Variants in ITGAE observed in about 807,000 individuals in gnomAD.
ITGAE encodes the protein integrin alpha-E.
A neutral mutation model predicts 136.5 loss-of-function variants in ITGAE; 99 were observed. That is an observed-to-expected ratio of 0.73 (90% confidence interval 0.62 to 0.86). The LOEUF (loss-of-function observed/expected upper bound fraction) is 0.86. Ranked by LOEUF, ITGAE falls within the 40% of genes least tolerant of loss-of-function variation. The pLI is 0.00. For missense variants in ITGAE, 1,447 were observed against 1,515.3 expected (o/e 0.95, Z 0.75); for synonymous variants, 613 against 591.8 (o/e 1.04, Z -0.52).
intron 2 of ITGAE, 95 bp downstream of exon 2, chr17:3,777,445 G>C (rs1432981539): frequency 6.9e-7 from 1 of 1,447,950 alleles, no homozygotes; most frequent in African/African-American, 1.4e-5. Flanking sequence ...CTGACGGTGG[G>C]GTGGGGTGGG....
intron 2 of ITGAE, among the ~76,000 whole-genome samples, chr17:3,765,706 C>A (rs1023051606): frequency 6.6e-5 from 10 of 152,128 alleles, no homozygotes; most frequent in Non-Finnish European, 1.5e-4. Flanking sequence ...ACATGAGTAA[C>A]CATCTCCTTC....
intron 14 of ITGAE, among the ~76,000 whole-genome samples, chr17:3,752,767 A>T (rs938608831): frequency 6.7e-6 from 1 of 149,466 alleles, no homozygotes. Flanking sequence ...AAAAAAAAAA[A>T]TGCTGGGCGA....
chr17:3,795,171 C>G (rs1045065012), intron 1 of ITGAE, among the ~76,000 whole-genome samples: 4 of 152,166 alleles, frequency 2.6e-5, no homozygotes, highest in African/African-American at 9.7e-5. Context: ...CCTGAGCCCC[C>G]TCAGCATCCT....
chr17:3,762,691 A>G (rs1178830882), intron 3 of ITGAE, among the ~76,000 whole-genome samples: 2 of 135,322 alleles, frequency 1.5e-5, no homozygotes, highest in African/African-American at 5.7e-5. Flanking sequence ...TCCGCCTCCC[A>G]GGTTCACGCC....
rs1381450689 is a variant in ITGAE at position 3,719,191 on chromosome 17, G to T, written c.3333+1116C>A. On this transcript the variant is annotated intron_variant, in intron 29 of 30. Coordinates refer to ENST00000263087, the MANE Select transcript of ITGAE (RefSeq NM_002208.5). Reference sequence around the variant, plus strand: ...GTGGAGGTTGCAGTGAGCCGAGATGGCACCAACGGACTCCAGCCTGGGCGA... The same window carrying T: ...GTGGAGGTTGCAGTGAGCCGAGATGTCACCAACGGACTCCAGCCTGGGCGA... Among the ~76,000 whole-genome samples the T allele has an allele frequency of 1.5e-5, 2 of 136,018 alleles. 1 individual carries two copies. The highest frequency in any genetic ancestry group is 4.4e-4 in the South Asian group (2 of 4,514). 89.2% of individuals were successfully genotyped at this position (136,018 alleles called of 152,430 possible).
Position 3,751,732 on chromosome 17 carries a change from A to G in ITGAE, c.1811T>C (p.Phe604Ser), listed in dbSNP as rs138203712. Residue 604 changes from phenylalanine (F) to serine (S), a missense_variant, in exon 15 of 31, where the codon TTT (phenylalanine) becomes TCT (serine). Around this residue, in one of 3 missense-constraint regions of ITGAE, gnomAD observed 1,031 missense variants for 1,011.4 expected, o/e 1.02. Transcript: ENST00000263087. ...GAAGCTGGCACCATCATCTGCCCCAAAACCTTCCAGGGGGGCCCCGATGGC... is the reference window on the plus strand; with the variant it reads ...GAAGCTGGCACCATCATCTGCCCCAGAACCTTCCAGGGGGGCCCCGATGGC... ...DVAIGAPLEG[F>S]GADDGASFGS... The G allele has an allele frequency of 5.6e-6, 9 of 1,613,860 alleles. No individual in the cohort carries two copies. The African/African-American group carries it at 1.1e-4, about 19-fold the overall frequency.
intron 20 of ITGAE, 39 bp from the exon 21 acceptor site, chr17:3,734,988 A>G: frequency 6.2e-7 from 1 of 1,612,374 alleles, no homozygotes; most frequent in Non-Finnish European, 8.5e-7. Context: ...AGTTTATTTC[A>G]TCTGTAAAAA....
chr17:3,785,030 T>G (rs1345995268), intron 1 of ITGAE, among the ~76,000 whole-genome samples: 1 of 152,122 alleles, frequency 6.6e-6, no homozygotes, highest in Admixed American at 6.6e-5. Context: ...CATGCACCTA[T>G]GGTCCCAGCT....
chr17:3,761,420 G>C lies in ITGAE; in HGVS notation c.416C>G (p.Ala139Gly). 6.2e-7 allele frequency: 1 copy of C among 1,613,044 alleles called. No homozygotes were observed. The highest frequency in any genetic ancestry group is 8.5e-7 in the Non-Finnish European group (1 of 1,179,530). Residue 139 changes from alanine (A) to glycine (G), a missense_variant, in exon 5 of 31, where the codon GCC becomes GGC. By Grantham distance (60) the Ala-to-Gly change is moderately conservative (BLOSUM62 0). Transcript: ENST00000263087. The stretch of plus-strand genomic sequence containing the variant: ...ATCCTTACCAAGGTCGAAGAAGTTG[G>C]CCTGAGCCTGGGGACGGAGGTCAGG... ...LGPDLRPQAQ[A>G]NFFDLENLLD...
intron 26 of ITGAE, chr17:3,725,260 A>G (rs1343802327): frequency 6.2e-7 from 1 of 1,614,192 alleles, no homozygotes; most frequent in East Asian, 2.2e-5. Flanking sequence ...TCCTCTATGT[A>G]TTTGCTAAGC....
intron 26 of ITGAE, 194 bp from the exon 27 acceptor site, chr17:3,723,938 G>A (rs2051131237): frequency 3.9e-6 from 6 of 1,551,496 alleles, no homozygotes; most frequent in Non-Finnish European, 2.6e-6. Context: ...TGCCGGCCAT[G>A]GCGGCTTCGC....
intron 26 of ITGAE, chr17:3,723,962 G>A (rs770530398): frequency 3.8e-6 from 6 of 1,571,556 alleles, no homozygotes; most frequent in South Asian, 1.1e-5. Context: ...CGGGACCTGG[G>A]AGCCGGCTTT....
At position 3,725,948 on chromosome 17, in the gene ITGAE, G is replaced by A. The variant is rs150608346; in HGVS notation, c.3084+1971C>T. 4 of 1,613,608 alleles carry A rather than the reference G, an allele frequency of 2.5e-6. No individual in the cohort carries two copies. The African/African-American group carries it at 4.0e-5, about 16-fold the overall frequency. On this transcript the variant is annotated intron_variant, in intron 26 of 30. Transcript: ENST00000263087. The stretch of plus-strand genomic sequence containing the variant: ...AAAAACTCCACTACACCCTCAATGG[G>A]AAGAGCAGCACTATCCCCAGCTGTG...
intron 2 of ITGAE, among the ~76,000 whole-genome samples, chr17:3,770,780 C>T (rs1186550110): frequency 1.3e-5 from 2 of 152,154 alleles, no homozygotes; most frequent in African/African-American, 4.8e-5. Flanking sequence ...TCCCCCAGCC[C>T]CTGGTGGACT....
At chr17:3,741,070 A>ATTTTT (rs58434003) in intron 19 of ITGAE, among the ~76,000 whole-genome samples, 30 of 76,778 alleles carry the variant, frequency 3.9e-4, no homozygotes, top group Non-Finnish European at 3.9e-4. Flanking sequence ...TTTTTGTTGT[A>ATTTTT]TTTTTTTTTT....
At chr17:3,781,948 C>T (rs2052675445) in intron 1 of ITGAE, among the ~76,000 whole-genome samples, 1 of 151,884 alleles carries the variant, frequency 6.6e-6, no homozygotes, top group Non-Finnish European at 1.5e-5. Context: ...CTGGATACAT[C>T]CTCTCCACAT....
chr17:3,796,013 C>A (rs1658106164), intron 1 of ITGAE, among the ~76,000 whole-genome samples: 1 of 96,046 alleles, frequency 1.0e-5, no homozygotes, highest in African/African-American at 4.3e-5. Context: ...GTGTGTGCAT[C>A]CATGTGCGCG....
intron 3 of ITGAE, 25 bp from the exon 4 acceptor site, chr17:3,762,007 G>C: frequency 6.2e-7 from 1 of 1,604,716 alleles, no homozygotes; most frequent in Non-Finnish European, 8.5e-7. Context: ...CCCAGGTGAG[G>C]AGGAGGAGGG....
intron 30 of ITGAE, among the ~76,000 whole-genome samples, chr17:3,715,188 C>G (rs998718931): frequency 6.6e-6 from 1 of 152,172 alleles, no homozygotes; most frequent in East Asian, 1.9e-4. Flanking sequence ...GCAGCTGAAC[C>G]TTTTTAACTT....
Sources: gnomAD v4.1 joint callset for allele counts (sites outside exome capture counted in the v4.1 genomes callset) on GRCh38, gnomAD v4.1.1 for gene constraint, gnomAD v4.1.1 regional missense constraint, MANE v1.5 for transcripts, NCBI Gene and HGNC (gene_info 2026-07-23, HGNC 2026-07-21) for gene names.